The following ZNF473 variants were observed in gnomAD, a reference collection of about 807,000 sequenced individuals.
ZNF473 encodes zinc finger protein 473, also known as zinc finger protein 100 homolog.
In ZNF473, 4 loss-of-function variants were observed where a neutral mutation model predicts 11.1. That is an observed-to-expected ratio of 0.36 (90% CI 0.18 to 0.82). ZNF473 has a LOEUF of 0.82. Among genes scored for constraint, ZNF473 ranks in the 40% least tolerant of loss-of-function variants. The pLI, the probability that ZNF473 is intolerant of heterozygous loss-of-function variation, is 0.49. For synonymous variants in ZNF473, 404 were observed against 390.4 expected, an observed-to-expected ratio of 1.03 and a Z score of -0.41; for missense variants, 854 against 1,084.0, an observed-to-expected ratio of 0.79 and a Z score of 2.98.
chr19:50,034,171 G>A lies in ZNF473; in HGVS notation c.9+3080G>A, dbSNP rs377637985. On this transcript the variant is annotated intron_variant, in intron 2 of 4. Coordinates refer to ENST00000270617, the MANE Select transcript of ZNF473 (RefSeq NM_015428.4). Reference sequence around the variant, plus strand: ...AGGCTAAAAACGTAGAGCCATCCCAGGGTCTTCTGTCTTTCACACCCTCCA... The same window carrying A: ...AGGCTAAAAACGTAGAGCCATCCCAAGGTCTTCTGTCTTTCACACCCTCCA... Among the ~76,000 whole-genome samples, 9 of 152,256 alleles carry A rather than the reference G, an allele frequency of 5.9e-5. No homozygotes were observed. In the East Asian group the frequency reaches 1.2e-3, roughly 20 times the overall value.
At chr19:50,036,445 C>G (rs373744949) in intron 2 of ZNF473, among the ~76,000 whole-genome samples, 12 of 150,946 alleles carry the variant, frequency 7.9e-5, no homozygotes, top group African/African-American at 2.4e-4. Context: ...TCCCGAGTAG[C>G]TGGGACTACA....
intron 1 of ZNF473, among the ~76,000 whole-genome samples, chr19:50,026,701 C>A (rs549563968): frequency 1.3e-5 from 2 of 151,598 alleles, no homozygotes; most frequent in Non-Finnish European, 2.9e-5. Flanking sequence ...ATTAGCCGGG[C>A]GTGGTGGTGC....
chr19:50,046,933 C>G lies in ZNF473; in HGVS notation c.2490C>G (p.Asn830Lys), dbSNP rs765367654. The change falls in exon 5 of 5, where the codon AAC becomes AAG. Residue 830 changes from asparagine to lysine, a missense_variant. Physicochemically the swap from Asn to Lys is moderately conservative, Grantham distance 94 (BLOSUM62 0). This residue lies in a region of ZNF473 where 186 missense variants were observed against 293.8 expected (regional missense o/e 0.63). Transcript: ENST00000270617. This position sits in a 1 kb window ranked among gnomAD's most constrained non-coding sequence, Gnocchi z 5.9. ...GKAFVLSAHL[N>K]QHLRVHTQET... ...CTTTTGTCCTCAGTGCCCATCTCAA[C>G]CAGCACCTGAGAGTTCACACCCAGG... 2 of 1,614,178 alleles carry G rather than the reference C, an allele frequency of 1.2e-6. No individual in the cohort carries two copies. The highest frequency in any genetic ancestry group is 4.5e-5 in the East Asian group (2 of 44,878).
chr19:50,029,684 A>G (rs2077307335), intron 1 of ZNF473, among the ~76,000 whole-genome samples: 1 of 152,220 alleles, frequency 6.6e-6, no homozygotes, highest in Admixed American at 6.5e-5. Context: ...AGTTTTGCGT[A>G]TTATGGGTCA....
Position 50,046,448 on chromosome 19 carries a change from G to T in ZNF473, c.2005G>T (p.Ala669Ser), listed in dbSNP as rs867431208. Residue 669 changes from alanine to serine, a missense_variant, in exon 5 of 5, where the codon GCT becomes TCT. This residue lies in a region of ZNF473 where 186 missense variants were observed against 293.8 expected (regional missense o/e 0.63). Transcript: ENST00000270617. This position sits in a 1 kb window ranked among gnomAD's most constrained non-coding sequence, Gnocchi z 5.9. ...CCTCTCAAAACATCAGTTAATTCAC[G>T]CTGGAGAGAATCCCTTTAAATGTAG... is the stretch of plus-strand genomic sequence containing the variant. ...AHLSKHQLIH[A>S]GENPFKCSKC... 2 of 1,614,200 alleles carry T rather than the reference G, an allele frequency of 1.2e-6. No homozygotes were observed. Among genetic ancestry groups the T allele is most frequent in the Non-Finnish European group, 1.7e-6 (2 of 1,180,040 alleles).
Position 50,046,666 on chromosome 19 carries a change from G to A in ZNF473, c.2223G>A (p.Leu741=). ...ATTACTGCGGGAAGGCCTTCGGCCT[G>A]AGTGCTGAGCTTGTCCGCCACCAGA... The part of the protein sequence containing the change: ...VCDYCGKAFG[L]SAELVRHQRI... Residue 741 remains leucine, a synonymous_variant, in exon 5 of 5, where the codon CTG becomes CTA. Transcript: ENST00000270617. This position sits in a 1 kb window ranked among gnomAD's most constrained non-coding sequence, Gnocchi z 5.9. 1.9e-6 allele frequency: 3 copies of A among 1,614,220 alleles called. No individual in the cohort carries two copies. Among genetic ancestry groups the A allele is most frequent in the South Asian group, 2.2e-5 (2 of 91,086 alleles).
intron 1 of ZNF473, among the ~76,000 whole-genome samples, chr19:50,029,563 A>C (rs954150067): frequency 5.9e-5 from 9 of 152,250 alleles, no homozygotes; most frequent in African/African-American, 9.6e-5. Context: ...GACCTGTGTC[A>C]TTGTTAAGTG....
rs867004914 is a variant in ZNF473 at position 50,031,093 on chromosome 19, T to C, written c.9+2T>C. The C allele has an allele frequency of 6.4e-7, 1 of 1,566,960 alleles. No homozygotes were observed. Among genetic ancestry groups the C allele is most frequent in the Non-Finnish European group, 8.7e-7 (1 of 1,155,310 alleles). On this transcript the variant is annotated splice_donor_variant, in intron 2 of 4. Coordinates refer to ENST00000270617, the MANE Select transcript of ZNF473 (RefSeq NM_015428.4). LOFTEE classifies it high-confidence loss of function. The stretch of plus-strand genomic sequence containing the variant: ...GAACCCCAGTTGGCCATGGCTGAGG[T>C]GAGTTGAAGGTCGCTCTGTCCTAAT...
intron 1 of ZNF473, among the ~76,000 whole-genome samples, chr19:50,028,286 A>C (rs1333014212): frequency 6.8e-6 from 1 of 147,982 alleles, no homozygotes; most frequent in Non-Finnish European, 1.5e-5. Flanking sequence ...CGACAGAACG[A>C]GACTCCGTCT....
At chr19:50,035,871 G>A (rs544034431) in intron 2 of ZNF473, among the ~76,000 whole-genome samples, 1 of 152,264 alleles carries the variant, frequency 6.6e-6, no homozygotes, top group East Asian at 1.9e-4. Context: ...CCTCTAACAG[G>A]TCAGCCTCCT....
chr19:50,037,191 C>T (rs8111702), intron 2 of ZNF473, among the ~76,000 whole-genome samples: 16,054 of 152,212 alleles, frequency 0.11, 1,019 homozygotes, highest in East Asian at 0.18. Flanking sequence ...ACTATGCAGT[C>T]ACCTCCCAGC....
At chr19:50,026,811 G>GAA (rs2077284473) in intron 1 of ZNF473, among the ~76,000 whole-genome samples, 1 of 152,042 alleles carries the variant, frequency 6.6e-6, no homozygotes, top group African/African-American at 2.4e-5. Flanking sequence ...GAAAAGAAAA[G>GAA]AAAACTGCTA....
Position 50,044,987 on chromosome 19 carries a change from A to G in ZNF473, c.544A>G (p.Lys182Glu). The change falls in exon 5 of 5, where the codon AAG becomes GAG. Residue 182 changes from lysine to glutamate, a missense_variant. Physicochemically the swap from Lys to Glu is moderately conservative, Grantham distance 56 (BLOSUM62 1). Coordinates refer to ENST00000270617, the MANE Select transcript of ZNF473 (RefSeq NM_015428.4). Reference sequence around the variant, plus strand: ...TTCTGAAAAGACCCTCACACCAGCTAAGTCTAAGGAATATAGGGGTGAGTT... The same window carrying G: ...TTCTGAAAAGACCCTCACACCAGCTGAGTCTAAGGAATATAGGGGTGAGTT... ...NVSEKTLTPA[K>E]SKEYRGEFFS... is the part of the protein sequence containing the mutation. The G allele has an allele frequency of 1.9e-6, 3 of 1,614,190 alleles. No individual in the cohort carries two copies. The highest frequency in any genetic ancestry group is 2.5e-6 in the Non-Finnish European group (3 of 1,180,028).
At chr19:50,026,841 C>G (rs764429069) in intron 1 of ZNF473, among the ~76,000 whole-genome samples, 1 of 152,186 alleles carries the variant, frequency 6.6e-6, no homozygotes, top group Non-Finnish European at 1.5e-5. Context: ...CCAGGCCTCC[C>G]TGATGGCCCT....
intron 2 of ZNF473, among the ~76,000 whole-genome samples, chr19:50,037,935 A>G (rs1978545560): frequency 6.6e-6 from 1 of 151,680 alleles, no homozygotes; most frequent in Admixed American, 6.6e-5. Context: ...AAAACTGGCA[A>G]ATAAAAGGAG....
rs377382579 is a variant in ZNF473, at chr19:50,045,435, G to T, written c.992G>T (p.Arg331Leu). The T allele has an allele frequency of 6.2e-7, 1 of 1,613,962 alleles. No homozygotes were observed. The highest frequency in any genetic ancestry group is 2.2e-5 in the East Asian group (1 of 44,874). Residue 331 changes from arginine to leucine, a missense_variant, in exon 5 of 5, where the codon CGG becomes CTG. Arg to Leu is a moderately radical substitution (Grantham distance 102). This residue lies in a region of ZNF473 where 668 missense variants were observed against 790.2 expected (regional missense o/e 0.85). Transcript: ENST00000270617. ...NCNECGKAFTRIFHLTRHQKI... is the reference protein window; with the variant it reads ...NCNECGKAFTLIFHLTRHQKI... ...AACGAATGCGGCAAGGCTTTTACCC[G>T]GATCTTCCACCTTACTCGGCACCAG...
At position 50,028,681 on chromosome 19, in the gene ZNF473, T is replaced by C. The variant is rs536167866; in HGVS notation, c.-191-2211T>C. 1.6e-4 allele frequency among the ~76,000 whole-genome samples: 24 copies of C among 152,282 alleles called. 1 individual carries two copies. The highest frequency in any genetic ancestry group is 5.8e-4 in the African/African-American group (24 of 41,560). ...CTAACTTCGTGGGATGTAGACCCAA[T>C]GTTGCCAAATCCTAGGATGTTTCAG... On this transcript the variant is annotated intron_variant, in intron 1 of 4. Coordinates refer to ENST00000270617, the MANE Select transcript of ZNF473 (RefSeq NM_015428.4).
intron 2 of ZNF473, among the ~76,000 whole-genome samples, chr19:50,036,390 T>C (rs1978442302): frequency 7.0e-6 from 1 of 142,254 alleles, no homozygotes; most frequent in Non-Finnish European, 1.5e-5. Flanking sequence ...CCTGGCTCAC[T>C]GCAAGCTCTG....
In ZNF473 at chr19:50,045,170, G is replaced by A. The variant is rs768553373; in HGVS notation, c.727G>A (p.Glu243Lys). 1 of 1,614,196 alleles carries A rather than the reference G, an allele frequency of 6.2e-7. No individual in the cohort carries two copies. The highest frequency in any genetic ancestry group is 1.1e-5 in the South Asian group (1 of 91,080). Reference sequence around the variant, plus strand: ...GAAACCCACTGTCCATCAAGAGTGTGAGCAAGGTTTTGACCGGAATGCTTC... The same window carrying A: ...GAAACCCACTGTCCATCAAGAGTGTAAGCAAGGTTTTGACCGGAATGCTTC... ...REKPTVHQEC[E>K]QGFDRNASLS... is the part of the protein sequence containing the mutation. The change falls in exon 5 of 5, where the codon GAG (glutamate) becomes AAG (lysine). Residue 243 changes from glutamate (E) to lysine (K), a missense_variant. Coordinates refer to ENST00000270617, the MANE Select transcript of ZNF473 (RefSeq NM_015428.4).
Sources: allele counts gnomAD v4.1 joint callset (sites outside exome capture counted in the v4.1 genomes callset), GRCh38; gene constraint gnomAD v4.1.1; regional missense constraint gnomAD v4.1.1; non-coding constraint Gnocchi (gnomAD v3.1); transcripts MANE v1.5; gene names NCBI Gene and HGNC (gene_info 2026-07-23, HGNC 2026-07-21).